The following PXDNL variants were observed in gnomAD, a reference collection of about 807,000 sequenced individuals.
PXDNL encodes peroxidasin like.
PXDNL carries 145 observed loss-of-function variants against 150.8 expected under a neutral mutation model. The observed-to-expected ratio is 0.96, with a 90% CI of 0.84 to 1.10. PXDNL has a LOEUF of 1.10. Ranked by LOEUF, PXDNL falls within the 50% of genes least tolerant of loss-of-function variation. The pLI is 0.00. For missense variants in PXDNL, 2,087 were observed against 1,873.9 expected (o/e 1.11, Z -2.10); for synonymous variants, 757 against 725.7 (o/e 1.04, Z -0.69).
chr8:51,461,532 G>A (rs1810083709), intron 8 of PXDNL, among the ~76,000 whole-genome samples: 1 of 152,222 alleles, frequency 6.6e-6, no homozygotes, highest in Non-Finnish European at 1.5e-5. Context: ...CAAGCCGTGG[G>A]CACTACACCA....
intron 12 of PXDNL, among the ~76,000 whole-genome samples, chr8:51,428,683 T>C (rs1809173488): frequency 6.6e-6 from 1 of 152,150 alleles, no homozygotes; most frequent in Non-Finnish European, 1.5e-5. Flanking sequence ...TTTACCTAAG[T>C]CTCATACTTT....
At chr8:51,390,796 C>A (rs1807875124) in intron 17 of PXDNL, among the ~76,000 whole-genome samples, 1 of 151,574 alleles carries the variant, frequency 6.6e-6, no homozygotes, top group African/African-American at 2.4e-5. Context: ...GCACAATGTG[C>A]AGGTTAGTTA....
intron 1 of PXDNL, among the ~76,000 whole-genome samples, chr8:51,688,770 A>G (rs771036671): frequency 6.6e-6 from 1 of 152,226 alleles, no homozygotes; most frequent in African/African-American, 2.4e-5. Flanking sequence ...AGGGGAACAG[A>G]TGTTTCCAAA....
chr8:51,442,108 T>A lies in PXDNL; in HGVS notation c.1525+4896A>T, dbSNP rs180855100. On this transcript the variant is annotated intron_variant, in intron 12 of 22. Transcript: ENST00000356297. ...ATGGACCCAGGGTCACTCTTCCATA[T>A]GTCTACTGAGTTATTATTCCCAACT... Among the ~76,000 whole-genome samples the A allele has an allele frequency of 1.2e-4, 19 of 152,218 alleles. No homozygotes were observed. In the East Asian group the frequency reaches 3.3e-3, roughly 26 times the overall value.
intron 1 of PXDNL, among the ~76,000 whole-genome samples, chr8:51,666,029 C>T (rs1287837153): frequency 6.6e-6 from 1 of 152,184 alleles, no homozygotes; most frequent in African/African-American, 2.4e-5. Flanking sequence ...CCAATGATAA[C>T]AACTGAAAAA....
intron 1 of PXDNL, among the ~76,000 whole-genome samples, chr8:51,769,939 A>C (rs2037273643): frequency 6.6e-6 from 1 of 152,196 alleles, no homozygotes; most frequent in African/African-American, 2.4e-5. Context: ...GTGAATGTCC[A>C]ATGGGTGACT....
chr8:51,333,923 T>C (rs1043333108), intron 21 of PXDNL, among the ~76,000 whole-genome samples: 2 of 151,910 alleles, frequency 1.3e-5, no homozygotes, highest in Admixed American at 6.6e-5. Flanking sequence ...AGACAGAAAA[T>C]CAACAAGGAA....
At chr8:51,382,098 A>G (rs1377290707) in intron 17 of PXDNL, among the ~76,000 whole-genome samples, 1 of 151,932 alleles carries the variant, frequency 6.6e-6, no homozygotes, top group African/African-American at 2.4e-5. Context: ...TGGCCTCCCA[A>G]AGTGCTGGGA....
intron 2 of PXDNL, among the ~76,000 whole-genome samples, chr8:51,594,014 C>T (rs764186609): frequency 1.2e-4 from 18 of 152,298 alleles, no homozygotes; most frequent in East Asian, 3.9e-4. Flanking sequence ...GGAGAATTTG[C>T]TGTTTAGGCA....
chr8:51,626,706 A>C (rs1814367177), intron 2 of PXDNL, among the ~76,000 whole-genome samples: 1 of 152,252 alleles, frequency 6.6e-6, no homozygotes, highest in African/African-American at 2.4e-5. Flanking sequence ...CAGCTCGTCA[A>C]TGTGAACCAA....
intron 6 of PXDNL, among the ~76,000 whole-genome samples, chr8:51,482,364 A>T (rs1810622959): frequency 6.6e-6 from 1 of 152,188 alleles, no homozygotes; most frequent in African/African-American, 2.4e-5. Context: ...GTATCTAGGA[A>T]GTAACTAACT....
rs1262329829 is a variant in PXDNL, at chr8:51,409,521, G to A, written c.2103C>T (p.Ser701=). The change falls in exon 17 of 23, where the codon AGC becomes AGT. Residue 701 remains serine, a synonymous_variant. Coordinates refer to ENST00000356297, the MANE Select transcript of PXDNL (RefSeq NM_144651.5). ...YNDLVSPRSL[S]LIANLSGCTA... The stretch of plus-strand genomic sequence containing the variant: ...TGCATCCAGATAAATTGGCGATGAG[G>A]CTGAGGGAGCGCGGGGACACCAAGT... 1.2e-6 allele frequency: 2 copies of A among 1,607,432 alleles called. No homozygotes were observed. The highest frequency in any genetic ancestry group is 1.7e-6 in the Non-Finnish European group (2 of 1,177,550).
At chr8:51,423,260 G>A (rs919281890) in intron 14 of PXDNL, among the ~76,000 whole-genome samples, 3 of 151,998 alleles carry the variant, frequency 2.0e-5, no homozygotes, top group Non-Finnish European at 2.9e-5. Flanking sequence ...TTCCACCTCC[G>A]GCTCCACATT....
At chr8:51,607,641 G>A (rs1308794675) in intron 2 of PXDNL, among the ~76,000 whole-genome samples, 3 of 149,366 alleles carry the variant, frequency 2.0e-5, no homozygotes, top group African/African-American at 7.6e-5. Context: ...AGGAGTTCGA[G>A]ACAAGCCTGG....
chr8:51,367,100 C>CAAAAAA (rs58282258), intron 19 of PXDNL, among the ~76,000 whole-genome samples: 12 of 55,248 alleles, frequency 2.2e-4, no homozygotes, highest in African/African-American at 7.0e-4. Context: ...ACTCTTGTCT[C>CAAAAAA]AAAAAAAAAA....
chr8:51,576,417 T>C (rs59066637), intron 3 of PXDNL, among the ~76,000 whole-genome samples: 3,812 of 151,662 alleles, frequency 0.025, 147 homozygotes, highest in African/African-American at 0.088. Flanking sequence ...ACAACGTACT[T>C]ACAAACAATC....
At chr8:51,565,151 A>G (rs946247415) in intron 3 of PXDNL, among the ~76,000 whole-genome samples, 3 of 151,826 alleles carry the variant, frequency 2.0e-5, no homozygotes, top group African/African-American at 7.2e-5. Context: ...ACATGATGCA[A>G]GGGTAAAATT....
At chr8:51,361,829 G>A (rs1316367176) in intron 19 of PXDNL, among the ~76,000 whole-genome samples, 2 of 148,298 alleles carry the variant, frequency 1.3e-5, no homozygotes, top group East Asian at 4.2e-4. Context: ...AGGAGTGATA[G>A]TGGACACCTG....
At position 51,680,410 on chromosome 8, in the gene PXDNL, G is replaced by A. The variant is rs554272239; in HGVS notation, c.165-25650C>T. ...TGAAGTTTATATCTAATAGTGCACA[G>A]GCATCTTCCAGTGACAATTTTATAA... On this transcript the variant is annotated intron_variant, in intron 1 of 22. Coordinates refer to ENST00000356297, the MANE Select transcript of PXDNL (RefSeq NM_144651.5). 7.2e-5 allele frequency among the ~76,000 whole-genome samples: 11 copies of A among 152,180 alleles called. No individual in the cohort carries two copies. The South Asian group carries it at 2.1e-3, about 29-fold the overall frequency.
Sources: gnomAD v4.1 joint callset for allele counts (sites outside exome capture counted in the v4.1 genomes callset) on GRCh38, gnomAD v4.1.1 for gene constraint, MANE v1.5 for transcripts, NCBI Gene and HGNC (gene_info 2026-07-23, HGNC 2026-07-21) for gene names.